The following PCDH7 variants were observed in gnomAD, a reference collection of about 807,000 sequenced individuals.
PCDH7 encodes the protein protocadherin 7.
Under a neutral mutation model 58.9 loss-of-function variants are expected in PCDH7, and 17 were observed. The ratio of observed to expected loss-of-function variants is 0.29; its 90% CI spans 0.20 to 0.43. The LOEUF is 0.43. Ranked by LOEUF, PCDH7 falls within the 20% of genes least tolerant of loss-of-function variation. The pLI is 1.00. For missense variants in PCDH7, 1,274 were observed against 1,441.0 expected, an observed-to-expected ratio of 0.88 and a Z score of 1.88; for synonymous variants, 664 against 616.4, an observed-to-expected ratio of 1.08 and a Z score of -1.14.
At chr4:31,075,677 G>T (rs1440725254) in intron 3 of PCDH7, among the ~76,000 whole-genome samples, 1 of 152,142 alleles carries the variant, frequency 6.6e-6, no homozygotes. Context: ...GCATGCAAAG[G>T]TCAGTGTCTG....
intron 1 of PCDH7, among the ~76,000 whole-genome samples, chr4:30,877,772 C>T (rs1736477606): frequency 6.6e-6 from 1 of 151,954 alleles, no homozygotes; most frequent in South Asian, 2.1e-4. Flanking sequence ...ATTTTCTGTT[C>T]TTAGGTAATT....
chr4:31,114,349 A>G (rs1578834436), intron 3 of PCDH7, among the ~76,000 whole-genome samples: 1 of 152,250 alleles, frequency 6.6e-6, no homozygotes, highest in African/African-American at 2.4e-5. Flanking sequence ...TCCAGAATCC[A>G]TTATAATGCA....
chr4:31,008,169 GA>G (rs1047015930), intron 3 of PCDH7, among the ~76,000 whole-genome samples: 29 of 150,198 alleles, frequency 1.9e-4, no homozygotes, highest in African/African-American at 4.6e-4. Context: ...AATGAATTAT[GA>G]AAAAAAAATG....
intron 1 of PCDH7, among the ~76,000 whole-genome samples, chr4:30,910,541 A>G (rs1303950888): frequency 6.6e-6 from 1 of 152,190 alleles, no homozygotes; most frequent in East Asian, 1.9e-4. Flanking sequence ...TAAGCATCCA[A>G]CAAACATATG....
chr4:30,976,386 G>A (rs531075479), intron 3 of PCDH7, among the ~76,000 whole-genome samples: 10 of 146,554 alleles, frequency 6.8e-5, no homozygotes, highest in South Asian at 6.5e-4. Flanking sequence ...CCACCACGCC[G>A]GGCCATAAAA....
chr4:30,857,813 C>T (rs1733679474), intron 1 of PCDH7, among the ~76,000 whole-genome samples: 1 of 152,092 alleles, frequency 6.6e-6, no homozygotes, highest in Non-Finnish European at 1.5e-5. Context: ...GATCGTTTCT[C>T]CTTTGTTTAT....
At chr4:31,056,537 G>T (rs1025054741) in intron 3 of PCDH7, among the ~76,000 whole-genome samples, 1 of 143,018 alleles carries the variant, frequency 7.0e-6, no homozygotes, top group African/African-American at 2.6e-5. Context: ...AGGGAAGGAA[G>T]GAGAGAGGGA....
chr4:31,022,563 A>G (rs1395982259), intron 3 of PCDH7, among the ~76,000 whole-genome samples: 1 of 152,204 alleles, frequency 6.6e-6, no homozygotes, highest in Admixed American at 6.5e-5. Context: ...GATCAGAGAT[A>G]GACCACATAA....
At chr4:30,826,928 A>G (rs890197365) in intron 1 of PCDH7, among the ~76,000 whole-genome samples, 5 of 151,956 alleles carry the variant, frequency 3.3e-5, no homozygotes, top group Non-Finnish European at 5.9e-5. Context: ...GGGTTTTGCC[A>G]TGCTGCCCAG....
chr4:31,021,130 A>G (rs1163172487), intron 3 of PCDH7, among the ~76,000 whole-genome samples: 2 of 152,238 alleles, frequency 1.3e-5, no homozygotes, highest in Non-Finnish European at 2.9e-5. Context: ...AAAAGAAAAC[A>G]TAAGTCTTGA....
At chr4:30,831,703 G>C (rs1055108273) in intron 1 of PCDH7, among the ~76,000 whole-genome samples, 1 of 152,060 alleles carries the variant, frequency 6.6e-6, no homozygotes, top group Non-Finnish European at 1.5e-5. Context: ...TTTAGCTATA[G>C]TTACCCAGCT....
chr4:31,071,373 A>G (rs1468955091), intron 3 of PCDH7, among the ~76,000 whole-genome samples: 1 of 152,058 alleles, frequency 6.6e-6, no homozygotes, highest in African/African-American at 2.4e-5. Context: ...ATCCATATGA[A>G]AGAAAATCAG....
chr4:31,101,600 G>T (rs2109300890), intron 3 of PCDH7, among the ~76,000 whole-genome samples: 1 of 152,220 alleles, frequency 6.6e-6, no homozygotes, highest in South Asian at 2.1e-4. Flanking sequence ...ACTACTCTCT[G>T]TTGTCACTTA....
At chr4:31,125,240 C>T (rs1413562684) in intron 3 of PCDH7, among the ~76,000 whole-genome samples, 1 of 152,138 alleles carries the variant, frequency 6.6e-6, no homozygotes, top group African/African-American at 2.4e-5. Context: ...GGTTGGACAC[C>T]AACAGTCACA....
At chr4:30,770,710 G>A (rs578050445) in intron 1 of PCDH7, among the ~76,000 whole-genome samples, 1 of 152,100 alleles carries the variant, frequency 6.6e-6, no homozygotes, top group Non-Finnish European at 1.5e-5. Context: ...GGAATGAAAT[G>A]CAACTTCCCC....
intron 1 of PCDH7, among the ~76,000 whole-genome samples, chr4:30,905,517 A>G (rs558132116): frequency 6.6e-6 from 1 of 152,148 alleles, no homozygotes; most frequent in Admixed American, 6.5e-5. Flanking sequence ...GTATTCTGTG[A>G]ATGCTTTTGT....
At chr4:30,733,447 C>T (rs571010344), downstream of PCDH7, among the ~76,000 whole-genome samples, 25 of 152,166 alleles carry the variant, frequency 1.6e-4, no homozygotes, top group South Asian at 5.0e-3. Context: ...TACTTCGTTT[C>T]ATTTAAAAAT....
chr4:30,841,749 G>A (rs1172734021), intron 1 of PCDH7, among the ~76,000 whole-genome samples: 1 of 151,982 alleles, frequency 6.6e-6, no homozygotes, highest in Non-Finnish European at 1.5e-5. Flanking sequence ...CAAGGTCAGG[G>A]TTATCTAACC....
At chr4:30,725,242 T>G in intron 1 of PCDH7, 1 of 992,550 alleles carries the variant, frequency 1.0e-6, no homozygotes, top group Non-Finnish European at 1.2e-6. Context: ...CCTATAACAA[T>G]TAGTGTTCTA....
Sources: allele counts gnomAD v4.1 joint callset (sites outside exome capture counted in the v4.1 genomes callset), GRCh38; gene constraint gnomAD v4.1.1; transcripts MANE v1.5; gene names NCBI Gene and HGNC (gene_info 2026-07-23, HGNC 2026-07-21).